RABGEF1: variants seen among roughly 807,000 people sequenced by gnomAD.
RABGEF1 encodes rab5 GDP/GTP exchange factor.
A neutral mutation model predicts 57.3 loss-of-function variants in RABGEF1; 26 were observed. The observed-to-expected ratio is 0.45, with a 90% CI of 0.33 to 0.63. The LOEUF is 0.63. Among genes scored for constraint, RABGEF1 ranks in the 20% least tolerant of loss-of-function variants. The pLI is 0.02. For synonymous variants in RABGEF1, 185 were observed against 210.7 expected, an observed-to-expected ratio of 0.88 and a Z score of 1.06; for missense variants, 464 against 607.6, an observed-to-expected ratio of 0.76 and a Z score of 2.48.
At chr7:66,716,167 C>T (rs914146948) in intron 2 of RABGEF1, among the ~76,000 whole-genome samples, 4 of 152,088 alleles carry the variant, frequency 2.6e-5, no homozygotes, top group Non-Finnish European at 4.4e-5. Flanking sequence ...TATGTAATGT[C>T]CCTCTTAATC....
chr7:66,687,390 T>G (rs1232895247), intron 1 of RABGEF1, among the ~76,000 whole-genome samples: 2 of 149,690 alleles, frequency 1.3e-5, no homozygotes, highest in Non-Finnish European at 3.0e-5. Flanking sequence ...CCTCCCAGAG[T>G]GCTGAGATTG....
intron 1 of RABGEF1, among the ~76,000 whole-genome samples, chr7:66,706,328 G>A (rs530111445): frequency 1.3e-5 from 2 of 152,110 alleles, no homozygotes; most frequent in East Asian, 1.9e-4. Context: ...TCTCTTATGC[G>A]ATACCTAGGA....
chr7:66,741,622 T>C (rs1018748013), intron 1 of RABGEF1, among the ~76,000 whole-genome samples: 9 of 152,186 alleles, frequency 5.9e-5, no homozygotes, highest in African/African-American at 1.9e-4. Context: ...AGGACGAGTT[T>C]ACCGGAGCAC....
upstream of RABGEF1, among the ~76,000 whole-genome samples, chr7:66,681,238 G>A (rs1789702909): frequency 6.6e-6 from 1 of 152,070 alleles, no homozygotes; most frequent in African/African-American, 2.4e-5. Flanking sequence ...ACCATAGATG[G>A]CATCCAGGAC....
chr7:66,750,578 A>G (rs556746314), intron 1 of RABGEF1, among the ~76,000 whole-genome samples: 8 of 152,376 alleles, frequency 5.3e-5, no homozygotes, highest in African/African-American at 1.7e-4. Flanking sequence ...TAGTAACTCA[A>G]TGCATTAAAA....
At chr7:66,741,395 G>T (rs972755158) in intron 1 of RABGEF1, among the ~76,000 whole-genome samples, 22 of 152,222 alleles carry the variant, frequency 1.4e-4, no homozygotes, top group African/African-American at 5.3e-4. Flanking sequence ...GGGGTTAGGA[G>T]CAGAAGTCCC....
chr7:66,772,735 C>A (rs180929697), intron 2 of RABGEF1, among the ~76,000 whole-genome samples: 33 of 151,826 alleles, frequency 2.2e-4, no homozygotes, highest in African/African-American at 7.7e-4. Context: ...ATGGTGAAAC[C>A]CCCTCTCTAC....
chr7:66,670,368 A>C, the RABGEF1 span, among the ~76,000 whole-genome samples: 1 of 151,108 alleles, frequency 6.6e-6, no homozygotes, highest in East Asian at 2.0e-4. Context: ...GCTGGGTGAC[A>C]TAGTACCTAG....
chr7:66,764,691 T>G (rs1265099851), intron 1 of RABGEF1, among the ~76,000 whole-genome samples: 1 of 152,242 alleles, frequency 6.6e-6, no homozygotes, highest in Non-Finnish European at 1.5e-5. Context: ...TATCCAATTT[T>G]CCCGGCACTA....
upstream of RABGEF1, among the ~76,000 whole-genome samples, chr7:66,736,614 G>A (rs2129041815): frequency 6.6e-6 from 1 of 152,246 alleles, no homozygotes; most frequent in East Asian, 1.9e-4. Context: ...GGACTTGGCA[G>A]GTGATGAGGG....
In RABGEF1 at chr7:66,799,361, C is replaced by G. The variant is rs760491126; in HGVS notation, c.767C>G (p.Pro256Arg). The G allele has an allele frequency of 6.8e-6, 11 of 1,612,668 alleles. No individual in the cohort carries two copies. Among genetic ancestry groups the G allele is most frequent in the Non-Finnish European group, 9.3e-6 (11 of 1,178,668 alleles). The stretch of plus-strand genomic sequence containing the variant: ...GTTACGCCTCAGATGCTGTGTGTCC[C>G]TGTTAATGAAGACATCCCAGAAGTG... ...RWVTPQMLCV[P>R]VNEDIPEVSD... Residue 256 changes from proline (P) to arginine (R), a missense_variant, in exon 7 of 9, where the codon CCT (proline) becomes CGT (arginine). This residue lies in a region of RABGEF1 where 284 missense variants were observed against 389.9 expected (regional missense o/e 0.73). Coordinates refer to ENST00000284957, the MANE Select transcript of RABGEF1 (RefSeq NM_014504.3).
At chr7:66,671,687 T>G in the RABGEF1 span, among the ~76,000 whole-genome samples, 123 of 152,240 alleles carry the variant, frequency 8.1e-4, 1 homozygote, top group Non-Finnish European at 1.5e-3. Context: ...CCAGGCGTGG[T>G]GGCACTTATC....
intron 1 of RABGEF1, among the ~76,000 whole-genome samples, chr7:66,741,243 A>G (rs1380818728): frequency 6.6e-6 from 1 of 152,066 alleles, no homozygotes; most frequent in African/African-American, 2.4e-5. Context: ...TCGGACCCAG[A>G]CCACAGCCCC....
intron 2 of RABGEF1, among the ~76,000 whole-genome samples, chr7:66,719,499 A>G (rs1321404760): frequency 2.0e-5 from 3 of 152,238 alleles, no homozygotes. Context: ...TGCCTGGCCA[A>G]AATTTTTTTT....
the RABGEF1 span, chr7:66,668,867 G>A: frequency 1.3e-5 from 2 of 152,378 alleles, no homozygotes; most frequent in Non-Finnish European, 2.9e-5. Flanking sequence ...TTGCAAGAAA[G>A]AGGCTGCCAG....
At chr7:66,786,896 T>C (rs1811308871) in intron 4 of RABGEF1, among the ~76,000 whole-genome samples, 1 of 152,248 alleles carries the variant, frequency 6.6e-6, no homozygotes, top group Non-Finnish European at 1.5e-5. Context: ...CAAAATCCTT[T>C]TATGTTGAAA....
At chr7:66,760,757 A>G (rs1804117789) in intron 1 of RABGEF1, among the ~76,000 whole-genome samples, 1 of 125,704 alleles carries the variant, frequency 8.0e-6, no homozygotes, top group African/African-American at 2.7e-5. Flanking sequence ...TTATAATTTT[A>G]ACATAATGGC....
chr7:66,676,111 C>T, the RABGEF1 span, among the ~76,000 whole-genome samples: 3 of 152,108 alleles, frequency 2.0e-5, no homozygotes, highest in Admixed American at 6.6e-5. Flanking sequence ...ATTGAGGTCA[C>T]GAGTTTGAGA....
chr7:66,750,802 G>A (rs1030686452), intron 1 of RABGEF1, among the ~76,000 whole-genome samples: 7 of 152,158 alleles, frequency 4.6e-5, no homozygotes, highest in Admixed American at 3.3e-4. Context: ...TGCCATTTAC[G>A]TCAGTGAAAT....
Sources: allele counts gnomAD v4.1 joint callset (sites outside exome capture counted in the v4.1 genomes callset), GRCh38; gene constraint gnomAD v4.1.1; regional missense constraint gnomAD v4.1.1; transcripts MANE v1.5; gene names NCBI Gene and HGNC (gene_info 2026-07-23, HGNC 2026-07-21).